The following ZNF540 variants were observed in gnomAD, a reference collection of about 807,000 sequenced individuals.
ZNF540 encodes CTD-3064H18.6.
A neutral mutation model predicts 11.8 loss-of-function variants in ZNF540; 3 were observed. The ratio of observed to expected loss-of-function variants is 0.25; its 90% CI spans 0.12 to 0.65. ZNF540 has a LOEUF of 0.65. Among genes scored for constraint, ZNF540 ranks in the 30% least tolerant of loss-of-function variants. The pLI is 0.83. For synonymous variants in ZNF540, 247 were observed against 259.0 expected (o/e 0.95, Z 0.45); for missense variants, 709 against 793.1 (o/e 0.89, Z 1.27).
intron 1 of ZNF540, among the ~76,000 whole-genome samples, chr19:37,595,666 T>C (rs897978891): frequency 3.3e-5 from 5 of 152,200 alleles, no homozygotes; most frequent in Non-Finnish European, 7.3e-5. Flanking sequence ...GTGTCAGTCG[T>C]GTAACGCTTT....
chr19:37,564,009 C>T (rs987519032), intron 1 of ZNF540: 5 of 152,140 alleles, frequency 3.3e-5, no homozygotes, highest in African/African-American at 9.7e-5. Context: ...CAAAAAACAA[C>T]AGCCCTAAAG....
At chr19:37,589,487 T>TAA (rs145902538) in intron 1 of ZNF540, among the ~76,000 whole-genome samples, 12 of 150,406 alleles carry the variant, frequency 8.0e-5, no homozygotes, top group South Asian at 4.2e-4. Context: ...AGACAATTCA[T>TAA]AAAAAAAAAG....
chr19:37,566,342 A>G, intron 1 of ZNF540: 1 of 1,535,268 alleles, frequency 6.5e-7, no homozygotes, highest in South Asian at 1.3e-5. Flanking sequence ...AAGGAGAAAT[A>G]AAAATTCTAT....
intron 4 of ZNF540, among the ~76,000 whole-genome samples, chr19:37,604,877 CAAAT>C (rs1958339706): frequency 6.6e-6 from 1 of 152,146 alleles, no homozygotes; most frequent in Admixed American, 6.6e-5. Flanking sequence ...AATTTCATAT[CAAAT>C]AAATCAGAAT....
At chr19:37,553,263 A>G (rs1416346970) in intron 1 of ZNF540, among the ~76,000 whole-genome samples, 1 of 150,600 alleles carries the variant, frequency 6.6e-6, no homozygotes, top group Non-Finnish European at 1.5e-5. Flanking sequence ...CCTCCTGAGT[A>G]GCTGGGTTAC....
chr19:37,612,929 C>G lies in ZNF540; in HGVS notation c.1649C>G (p.Pro550Arg). The G allele has an allele frequency of 6.2e-7, 1 of 1,614,038 alleles. No individual in the cohort carries two copies. Reference protein sequence around the residue: ...EHLKIHSGLKPYDCKECGKSF... With the variant: ...EHLKIHSGLKRYDCKECGKSF... ...CTGAAAATTCATTCTGGTTTAAAAC[C>G]CTATGACTGTAAAGAATGTGGGAAG... Residue 550 changes from proline to arginine, a missense_variant, in exon 5 of 5, where the codon CCC becomes CGC. Physicochemically the swap from Pro to Arg is moderately radical, Grantham distance 103. Transcript: ENST00000316433.
chr19:37,583,253 A>G (rs1346098577), intron 1 of ZNF540, among the ~76,000 whole-genome samples: 1 of 152,212 alleles, frequency 6.6e-6, no homozygotes, highest in African/African-American at 2.4e-5. Flanking sequence ...CTCAGTACGT[A>G]TGTGCTGGCT....
intron 1 of ZNF540, among the ~76,000 whole-genome samples, chr19:37,589,787 C>A (rs1366516251): frequency 7.6e-6 from 1 of 131,406 alleles, no homozygotes; most frequent in Non-Finnish European, 1.5e-5. Flanking sequence ...ATTGCTTGAA[C>A]CCGGGAGTTG....
chr19:37,595,746 T>C (rs2043986792), intron 1 of ZNF540, among the ~76,000 whole-genome samples: 1 of 152,244 alleles, frequency 6.6e-6, no homozygotes, highest in Admixed American at 6.5e-5. Flanking sequence ...CTCTCCAATA[T>C]AGTAGCCACT....
chr19:37,555,918 G>C (rs2042653988), intron 1 of ZNF540: 1 of 700,752 alleles, frequency 1.4e-6, no homozygotes, highest in Non-Finnish European at 2.6e-6. Flanking sequence ...TGATCCCCCA[G>C]AGTAGGTGGC....
chr19:37,599,276 A>C (rs1034275511), intron 2 of ZNF540, among the ~76,000 whole-genome samples: 9 of 152,206 alleles, frequency 5.9e-5, no homozygotes, highest in African/African-American at 2.2e-4. Context: ...TTTATTATTA[A>C]GTAATAATTT....
In ZNF540 at chr19:37,560,945, C is replaced by G. The variant is rs545062102; in HGVS notation, c.-73+9280C>G. On this transcript the variant is annotated intron_variant, in intron 1 of 4. Coordinates refer to the ZNF540 transcript ENST00000592533. ...CAGAAAAAGCCTTGGTCAGGTATGGCTCATGTCTGTAATCGCAGTACTTTA... is the reference window on the plus strand; with the variant it reads ...CAGAAAAAGCCTTGGTCAGGTATGGGTCATGTCTGTAATCGCAGTACTTTA... 2.7e-5 allele frequency: 4 copies of G among 147,562 alleles called. 1 individual carries two copies. In the East Asian group the frequency reaches 7.9e-4, roughly 29 times the overall value. The allele number at this position is 147,562 out of a possible 1,614,324, so 9.1% of individuals were successfully genotyped here. A position where few individuals can be genotyped will look rare whatever the true frequency, so the allele number is the denominator to read the frequency against.
intron 1 of ZNF540, among the ~76,000 whole-genome samples, chr19:37,568,907 G>A (rs181017580): frequency 4.6e-5 from 7 of 151,692 alleles, no homozygotes. Context: ...AGTAGCTCTC[G>A]AATCTGTTAC....
intron 1 of ZNF540, among the ~76,000 whole-genome samples, chr19:37,597,798 A>G (rs533810605): frequency 1.3e-5 from 2 of 152,376 alleles, no homozygotes; most frequent in Admixed American, 6.5e-5. Flanking sequence ...CTCCATTGCA[A>G]CTACTCAACT....
chr19:37,565,056 G>C (rs61731966), intron 1 of ZNF540: 2 of 1,613,438 alleles, frequency 1.2e-6, no homozygotes, highest in East Asian at 2.2e-5. Context: ...TATGCAACAC[G>C]AATAAAGGCC....
chr19:37,582,883 C>G (rs2147195082), intron 1 of ZNF540, among the ~76,000 whole-genome samples: 1 of 152,308 alleles, frequency 6.6e-6, no homozygotes, highest in South Asian at 2.1e-4. Context: ...CCTCACTGTT[C>G]ACATAGCACT....
chr19:37,577,819 G>A (rs2043295588), intron 1 of ZNF540, among the ~76,000 whole-genome samples: 3 of 152,202 alleles, frequency 2.0e-5, no homozygotes, highest in Non-Finnish European at 4.4e-5. Flanking sequence ...CTCTCAGGGA[G>A]AGGAAACAAA....
At chr19:37,574,083 G>A (rs867399880) in intron 1 of ZNF540, among the ~76,000 whole-genome samples, 37 of 151,872 alleles carry the variant, frequency 2.4e-4, no homozygotes, top group African/African-American at 9.0e-4. Flanking sequence ...TCCATTATTC[G>A]TACCCTGAAT....
chr19:37,598,589 C>A, intron 2 of ZNF540, 133 bp downstream of exon 2: 1 of 910,630 alleles, frequency 1.1e-6, no homozygotes, highest in Non-Finnish European at 1.7e-6. Context: ...TCCCATGGGC[C>A]CCCTCTCTTT....
Sources: gnomAD v4.1 joint callset for allele counts (sites outside exome capture counted in the v4.1 genomes callset) on GRCh38, gnomAD v4.1.1 for gene constraint, MANE v1.5 for transcripts, NCBI Gene and HGNC (gene_info 2026-07-23, HGNC 2026-07-21) for gene names.